The following PRKACB variants were observed in gnomAD, a reference collection of about 807,000 sequenced individuals.
PRKACB encodes the protein cAMP-dependent protein kinase catalytic subunit beta.
Under a neutral mutation model 51.4 loss-of-function variants are expected in PRKACB, and 16 were observed. That is an observed-to-expected ratio of 0.31 (90% confidence interval 0.21 to 0.47). The LOEUF (loss-of-function observed/expected upper bound fraction) is 0.47, where lower values mean the gene tolerates loss of function less well. PRKACB is among the 20% of genes least tolerant of loss of function. The pLI, the probability that PRKACB is intolerant of heterozygous loss-of-function variation, is 1.00. For synonymous variants in PRKACB, 147 were observed against 154.4 expected, an observed-to-expected ratio of 0.95 and a Z score of 0.35; for missense variants, 309 against 464.5, an observed-to-expected ratio of 0.67 and a Z score of 3.08.
chr1:84,105,403 C>T (rs1037311297), intron 1 of PRKACB, among the ~76,000 whole-genome samples: 1 of 151,978 alleles, frequency 6.6e-6, no homozygotes, highest in African/African-American at 2.4e-5. Context: ...GCATATCAAA[C>T]TATTTTTCTC....
chr1:84,182,416 A>G, intron 3 of PRKACB, 88 bp downstream of exon 3: 3 of 1,017,014 alleles, frequency 2.9e-6, no homozygotes, highest in Non-Finnish European at 4.0e-6. Flanking sequence ...ATGACTTACC[A>G]TTGACAGCTT....
At chr1:84,155,539 C>A (rs1359462978) in intron 1 of PRKACB, among the ~76,000 whole-genome samples, 1 of 152,070 alleles carries the variant, frequency 6.6e-6, no homozygotes, top group Non-Finnish European at 1.5e-5. Context: ...TATAGAAACA[C>A]AAAAGACCCT....
chr1:84,212,615 G>A lies in PRKACB; in HGVS notation c.907-1538G>A, dbSNP rs567705142. Reference sequence around the variant, plus strand: ...CTGCCACTTTATGGCCTGATGACTGGGGAAGCTATACCCAGTAACATTGCT... The same window carrying A: ...CTGCCACTTTATGGCCTGATGACTGAGGAAGCTATACCCAGTAACATTGCT... On this transcript the variant is annotated intron_variant, in intron 8 of 9. Transcript: ENST00000370685. Among the ~76,000 whole-genome samples the A allele has an allele frequency of 1.2e-3, 177 of 152,156 alleles. 2 individuals are homozygous for A. Among genetic ancestry groups the A allele is most frequent in the African/African-American group, 4.1e-3 (170 of 41,532 alleles).
intron 1 of PRKACB, among the ~76,000 whole-genome samples, chr1:84,086,672 GT>G (rs1648024256): frequency 6.6e-6 from 1 of 152,208 alleles, no homozygotes; most frequent in African/African-American, 2.4e-5. Context: ...AACTCTCTCG[GT>G]TTTTGTAGGT....
At chr1:84,141,910 G>T (rs1653457479), upstream of PRKACB, among the ~76,000 whole-genome samples, 1 of 152,040 alleles carries the variant, frequency 6.6e-6, no homozygotes, top group African/African-American at 2.4e-5. Flanking sequence ...TTGGCACTGA[G>T]TAAAAATGTA....
Position 84,081,619 on chromosome 1 carries a change from GTTTGT to G in PRKACB, c.46+3252_46+3256del, listed in dbSNP as rs1025009794. ...GAAGTTTTAAACTCTTGTCAGTTAA[GTTTGT>G]TTTACTTATCCAGTCTCTTCCTTTT... On this transcript the variant is annotated intron_variant, in intron 1 of 8. Transcript: ENST00000370688. Among the ~76,000 whole-genome samples, 317 of 107,054 alleles carry G rather than the reference GTTTGT, an allele frequency of 3.0e-3. 1 individual carries two copies. Among genetic ancestry groups the G allele is most frequent in the African/African-American group, 8.0e-3 (305 of 37,958 alleles). 70.2% of individuals were successfully genotyped at this position (107,054 alleles called of 152,430 possible).
rs764828906 is a variant in PRKACB, at chr1:84,086,529, T to G, written c.46+8158T>G. Among the ~76,000 whole-genome samples the G allele has an allele frequency of 3.2e-4, 49 of 152,366 alleles. 1 individual carries two copies. Among genetic ancestry groups the G allele is most frequent in the Non-Finnish European group, 4.7e-4 (32 of 68,038 alleles). On this transcript the variant is annotated intron_variant, in intron 1 of 8. Transcript: ENST00000370688. ...CACTCCTGGTCAGGCAGCCACACCTTGGTCCTCATCTCTGGTCCCTTCCGA... is the reference window on the plus strand; with the variant it reads ...CACTCCTGGTCAGGCAGCCACACCTGGGTCCTCATCTCTGGTCCCTTCCGA...
intron 9 of PRKACB, among the ~76,000 whole-genome samples, chr1:84,231,861 CA>C (rs1558352418): frequency 6.6e-6 from 1 of 151,768 alleles, no homozygotes; most frequent in Non-Finnish European, 1.5e-5. Flanking sequence ...TTGATCCTTT[CA>C]AAAAACCAGC....
Position 84,228,258 on chromosome 1 carries a change from A to G in PRKACB, c.1072-6922A>G, listed in dbSNP as rs76449926. On this transcript the variant is annotated intron_variant, in intron 9 of 9. Transcript: ENST00000370685. ...GTAAATAACTATATATATGTTGATT[A>G]TGTGTACTAGAAAATGTTTTAATGA... Among the ~76,000 whole-genome samples the G allele has an allele frequency of 3.3e-5, 5 of 152,344 alleles. No homozygotes were observed. The South Asian group carries it at 1.0e-3, about 32-fold the overall frequency.
intron 1 of PRKACB, among the ~76,000 whole-genome samples, chr1:84,147,116 A>G (rs1347535856): frequency 1.3e-5 from 2 of 152,098 alleles, no homozygotes; most frequent in South Asian, 4.1e-4. Flanking sequence ...AGGTCTAACT[A>G]CAGTATTTTA....
At chr1:84,235,099 G>T in intron 9 of PRKACB, 81 bp from the exon 10 acceptor site, 1 of 1,431,170 alleles carries the variant, frequency 7.0e-7, no homozygotes, top group South Asian at 1.3e-5. Context: ...ATAACAGTGG[G>T]AATTTATTTT....
At chr1:84,143,547 C>T (rs541632118), upstream of PRKACB, among the ~76,000 whole-genome samples, 8 of 152,270 alleles carry the variant, frequency 5.3e-5, no homozygotes, top group Non-Finnish European at 8.8e-5. Flanking sequence ...TAACATGTCT[C>T]AGCCAACTAG....
intron 8 of PRKACB, among the ~76,000 whole-genome samples, 166 bp from the exon 9 acceptor site, chr1:84,213,987 G>T (rs1479954702): frequency 6.6e-6 from 1 of 152,096 alleles, no homozygotes; most frequent in Non-Finnish European, 1.5e-5. Context: ...CTTCTTTATG[G>T]CTACTGTGGG....
rs552586056 is a variant in PRKACB at position 84,117,273 on chromosome 1, T to C, written c.46+38902T>C. 1.2e-3 allele frequency among the ~76,000 whole-genome samples: 181 copies of C among 152,220 alleles called. 1 individual carries two copies. The highest frequency in any genetic ancestry group is 2.0e-3 in the Non-Finnish European group (135 of 67,992). ...ATGTTGACCTGTAGTTTTCTTTTTT[T>C]GTTCTTTGTCAGGTTTTGGTATCAG... On this transcript the variant is annotated intron_variant, in intron 1 of 8. Transcript: ENST00000370688.
At chr1:84,187,598 G>A (rs1417545303) in intron 5 of PRKACB, among the ~76,000 whole-genome samples, 2 of 152,070 alleles carry the variant, frequency 1.3e-5, no homozygotes, top group African/African-American at 4.8e-5. Context: ...CAGGAACAGA[G>A]CGGTTCTCAT....
intron 8 of PRKACB, among the ~76,000 whole-genome samples, chr1:84,213,107 A>G (rs2101570439): frequency 6.6e-6 from 1 of 152,286 alleles, no homozygotes; most frequent in South Asian, 2.1e-4. Context: ...TGTTTTCTAC[A>G]AAGTGCTATG....
At position 84,153,012 on chromosome 1, in the gene PRKACB, C is replaced by T. The variant is rs1286008354; in HGVS notation, c.187+8464C>T. ...GTGAGAGATGTGCAATTCTTCCTTT[C>T]GTCTGAACACTAAGAGGCCATTGTA... On this transcript the variant is annotated intron_variant, in intron 1 of 9. Transcript: ENST00000370685. Among the ~76,000 whole-genome samples, 5 of 152,140 alleles carry T rather than the reference C, an allele frequency of 3.3e-5. No homozygotes were observed. In the East Asian group the frequency reaches 5.8e-4, roughly 18 times the overall value.
intron 1 of PRKACB, among the ~76,000 whole-genome samples, chr1:84,112,921 C>T (rs1006026387): frequency 6.6e-6 from 1 of 151,914 alleles, no homozygotes; most frequent in African/African-American, 2.4e-5. Context: ...TTAGAAATTC[C>T]CTAAGGAGGT....
In PRKACB at chr1:84,165,044, T is replaced by C. The variant is rs1426806590; in HGVS notation, c.188-14133T>C. The C allele has an allele frequency of 2.8e-6, 4 of 1,442,904 alleles. No homozygotes were observed. The African/African-American group carries it at 5.7e-5, about 21-fold the overall frequency. The allele number at this position is 1,442,904 out of a possible 1,614,324, so 89.4% of individuals were successfully genotyped here. On this transcript the variant is annotated intron_variant, in intron 1 of 9. Transcript: ENST00000370685. ...TATGCTCTCTGAGACTCTGCAGCTGTTTATTTAAAAAATATATTTATAAGA... is the reference window on the plus strand; with the variant it reads ...TATGCTCTCTGAGACTCTGCAGCTGCTTATTTAAAAAATATATTTATAAGA...
Sources: allele counts gnomAD v4.1 joint callset (sites outside exome capture counted in the v4.1 genomes callset), GRCh38; gene constraint gnomAD v4.1.1; transcripts MANE v1.5; gene names NCBI Gene and HGNC (gene_info 2026-07-23, HGNC 2026-07-21).